Variants in ZFP91 observed in about 807,000 individuals in gnomAD.
ZFP91 encodes ZFP91 zinc finger protein, atypical E3 ubiquitin ligase.
ZFP91 carries 7 observed loss-of-function variants against 63.5 expected under a neutral mutation model. The ratio of observed to expected loss-of-function variants is 0.11; its 90% CI spans 0.06 to 0.21. The LOEUF (loss-of-function observed/expected upper bound fraction) is 0.21, where lower values mean the gene tolerates loss of function less well. Among genes scored for constraint, ZFP91 ranks in the 10% least tolerant of loss-of-function variants. ZFP91 has a pLI of 1.00. For missense variants in ZFP91, 628 were observed against 736.6 expected, an observed-to-expected ratio of 0.85 and a Z score of 1.71; for synonymous variants, 330 against 272.1, an observed-to-expected ratio of 1.21 and a Z score of -2.10.
chr11:58,585,829 C>A (rs777651245), intron 2 of ZFP91, among the ~76,000 whole-genome samples: 1 of 152,062 alleles, frequency 6.6e-6, no homozygotes, highest in Non-Finnish European at 1.5e-5. Context: ...GATTTTGTGC[C>A]ATATGGAAGA....
chr11:58,608,420 C>G (rs1342136951), intron 2 of ZFP91, among the ~76,000 whole-genome samples: 1 of 151,882 alleles, frequency 6.6e-6, no homozygotes, highest in East Asian at 2.0e-4. Context: ...TCAAATTGGT[C>G]TGCATGGAGG....
chr11:58,598,489 C>T (rs751518335), intron 2 of ZFP91, among the ~76,000 whole-genome samples: 12 of 152,056 alleles, frequency 7.9e-5, no homozygotes, highest in Non-Finnish European at 1.5e-4. Flanking sequence ...TTCACTGTGC[C>T]TGCATGTTGC....
At position 58,610,987 on chromosome 11, in the gene ZFP91, A is replaced by G; in HGVS notation, c.655A>G (p.Ile219Val). 6.2e-7 allele frequency: 1 copy of G among 1,613,120 alleles called. No homozygotes were observed. The highest frequency in any genetic ancestry group is 8.5e-7 in the Non-Finnish European group (1 of 1,179,688). The change falls in exon 5 of 11, where the codon ATC becomes GTC. Residue 219 changes from isoleucine to valine, a missense_variant. By Grantham distance (29) the Ile-to-Val change is conservative (BLOSUM62 3). Around this residue, in one of 3 missense-constraint regions of ZFP91, gnomAD observed 437 missense variants for 380.3 expected, o/e 1.15. Coordinates refer to ENST00000316059, the MANE Select transcript of ZFP91 (RefSeq NM_053023.5). The part of the protein sequence containing the change: ...EEEEEEEEML[I>V]SEEEIPFKDD... The stretch of plus-strand genomic sequence containing the variant: ...AGAGGAGGAGGAAGAAGAGATGTTA[A>G]TCAGTGAAGAGGAGATACCATTCAA...
chr11:58,609,642 T>C (rs1017789729), intron 2 of ZFP91, among the ~76,000 whole-genome samples, 188 bp from the exon 3 acceptor site: 3 of 152,356 alleles, frequency 2.0e-5, no homozygotes, highest in Non-Finnish European at 2.9e-5. Flanking sequence ...GTAATTTCTT[T>C]AGCATGATGA....
intron 2 of ZFP91, among the ~76,000 whole-genome samples, chr11:58,600,326 A>C (rs1266283362): frequency 6.6e-6 from 1 of 152,026 alleles, no homozygotes; most frequent in Non-Finnish European, 1.5e-5. Flanking sequence ...TTTTTATTCT[A>C]TTGTAAAGGT....
chr11:58,585,784 T>A (rs1158191220), intron 2 of ZFP91, among the ~76,000 whole-genome samples: 2 of 152,186 alleles, frequency 1.3e-5, no homozygotes, highest in Non-Finnish European at 2.9e-5. Flanking sequence ...TGATAAATAA[T>A]TCTTCGAGAA....
At chr11:58,583,726 G>A (rs890613544) in intron 1 of ZFP91, among the ~76,000 whole-genome samples, 1 of 152,028 alleles carries the variant, frequency 6.6e-6, no homozygotes, top group African/African-American at 2.4e-5. Flanking sequence ...TGGGACATTG[G>A]TAATGTGATT....
intron 2 of ZFP91, among the ~76,000 whole-genome samples, chr11:58,606,083 T>G (rs1335334076): frequency 3.3e-5 from 5 of 151,292 alleles, no homozygotes; most frequent in Middle Eastern, 3.4e-3. Flanking sequence ...GTGGGGGGGG[T>G]GTGGTTTCAC....
chr11:58,605,658 T>C (rs1248324238), intron 2 of ZFP91, among the ~76,000 whole-genome samples: 1 of 152,164 alleles, frequency 6.6e-6, no homozygotes. Context: ...TATTCCTTGT[T>C]GCTTATGAGT....
Position 58,610,375 on chromosome 11 carries a change from A to G in ZFP91, c.617+41A>G, listed in dbSNP as rs775404038. The G allele has an allele frequency of 2.3e-5, 36 of 1,532,564 alleles. 1 individual carries two copies. In the Admixed American group the frequency reaches 3.9e-4, roughly 17 times the overall value. The allele number at this position is 1,532,564 out of a possible 1,614,324, so 94.9% of individuals were successfully genotyped here. On this transcript the variant is annotated intron_variant, in intron 4 of 10. Coordinates refer to ENST00000316059, the MANE Select transcript of ZFP91 (RefSeq NM_053023.5). ...ATATTTCATTTTTAAACCTTTGGGGACATAGCATAGTCACAGTAAATGATT... is the reference window on the plus strand; with the variant it reads ...ATATTTCATTTTTAAACCTTTGGGGGCATAGCATAGTCACAGTAAATGATT...
chr11:58,616,866 C>A, intron 10 of ZFP91, 51 bp downstream of exon 10: 1 of 1,550,386 alleles, frequency 6.5e-7, no homozygotes, highest in Non-Finnish European at 8.9e-7. Flanking sequence ...ATATGCCCTA[C>A]TTGAAGGTTT....
intron 1 of ZFP91, among the ~76,000 whole-genome samples, chr11:58,580,780 A>G (rs1052886208): frequency 1.3e-5 from 2 of 152,222 alleles, no homozygotes; most frequent in African/African-American, 2.4e-5. Flanking sequence ...CAAATTTTTG[A>G]ATGTCAGCTA....
chr11:58,592,240 C>T (rs1294882189), intron 2 of ZFP91, among the ~76,000 whole-genome samples: 1 of 151,742 alleles, frequency 6.6e-6, no homozygotes, highest in Non-Finnish European at 1.5e-5. Flanking sequence ...TGTACCACCA[C>T]ATCTGCCTAA....
At chr11:58,595,338 T>A (rs1392464373) in intron 2 of ZFP91, among the ~76,000 whole-genome samples, 1 of 152,186 alleles carries the variant, frequency 6.6e-6, no homozygotes, top group Non-Finnish European at 1.5e-5. Context: ...CTTCCCAGCT[T>A]ATCAACTAAC....
At chr11:58,579,643 C>T (rs2134381876) in intron 1 of ZFP91, 21 bp downstream of exon 1, 4 of 1,532,338 alleles carry the variant, frequency 2.6e-6, no homozygotes, top group Non-Finnish European at 2.6e-6. Context: ...GTCTTTCAGG[C>T]GGTGGGAAAG....
chr11:58,614,619 A>C (rs1241861306), intron 9 of ZFP91, among the ~76,000 whole-genome samples: 3 of 152,186 alleles, frequency 2.0e-5, no homozygotes, highest in Non-Finnish European at 4.4e-5. Flanking sequence ...TAAATACGTT[A>C]TGTATATTAT....
chr11:58,614,090 C>G, intron 8 of ZFP91, 139 bp from the exon 9 acceptor site: 2 of 485,806 alleles, frequency 4.1e-6, no homozygotes, highest in Middle Eastern at 3.6e-4. Flanking sequence ...TTCTTAGCCA[C>G]TTTATTATAC....
intron 1 of ZFP91, 65 bp downstream of exon 1, chr11:58,579,687 C>G (rs1054559129): frequency 1.4e-6 from 2 of 1,395,890 alleles, no homozygotes; most frequent in Non-Finnish European, 1.9e-6. Flanking sequence ...CCTCTCGGCT[C>G]CCGTAGCGCC....
intron 2 of ZFP91, among the ~76,000 whole-genome samples, chr11:58,602,006 C>T (rs1855498254): frequency 6.6e-6 from 1 of 152,154 alleles, no homozygotes; most frequent in East Asian, 1.9e-4. Context: ...AATGCAACCT[C>T]CACCTCCTGG....
Sources: gnomAD v4.1 joint callset for allele counts (sites outside exome capture counted in the v4.1 genomes callset) on GRCh38, gnomAD v4.1.1 for gene constraint, gnomAD v4.1.1 regional missense constraint, MANE v1.5 for transcripts, NCBI Gene and HGNC (gene_info 2026-07-23, HGNC 2026-07-21) for gene names.